NUDC: variants seen among roughly 807,000 people sequenced by gnomAD.
NUDC encodes nuclear distribution C, dynein complex regulator, also known as nuclear migration protein nudC.
In NUDC, 14 loss-of-function variants were observed where a neutral mutation model predicts 45.0. That is an observed-to-expected ratio of 0.31 (90% CI 0.21 to 0.49). The LOEUF is 0.49. Among genes scored for constraint, NUDC ranks in the 20% least tolerant of loss-of-function variants. The pLI is 0.99. For missense variants in NUDC, 323 were observed against 426.2 expected (o/e 0.76, Z 2.13); for synonymous variants, 153 against 156.7 (o/e 0.98, Z 0.17).
At chr1:26,941,992 A>G (rs560495355) in intron 4 of NUDC, among the ~76,000 whole-genome samples, 174 bp downstream of exon 4, 58 of 152,264 alleles carry the variant, frequency 3.8e-4, no homozygotes, top group African/African-American at 1.3e-3. Context: ...CAAAGGATCC[A>G]GGTTAAAAAA....
intron 3 of NUDC, among the ~76,000 whole-genome samples, chr1:26,913,143 G>A (rs756822373): frequency 4.6e-5 from 7 of 152,042 alleles, no homozygotes; most frequent in East Asian, 1.9e-4. Context: ...AAAATTAGCC[G>A]GGAGTGGTGG....
At chr1:26,908,361 C>A (rs1455798651) in intron 2 of NUDC, among the ~76,000 whole-genome samples, 1 of 152,106 alleles carries the variant, frequency 6.6e-6, no homozygotes, top group Non-Finnish European at 1.5e-5. Context: ...GGAGAAAGCA[C>A]GATTCCCCTT....
intron 2 of NUDC, among the ~76,000 whole-genome samples, chr1:26,935,212 C>T (rs944061054): frequency 1.3e-5 from 2 of 150,136 alleles, no homozygotes; most frequent in East Asian, 2.0e-4. Flanking sequence ...GAACTCCTGA[C>T]GTCAGGTGTT....
chr1:26,913,144 G>A (rs1266589583), intron 3 of NUDC, among the ~76,000 whole-genome samples: 1 of 152,088 alleles, frequency 6.6e-6, no homozygotes, highest in Non-Finnish European at 1.5e-5. Context: ...AAATTAGCCG[G>A]GAGTGGTGGC....
chr1:26,936,917 G>A (rs1213238209), intron 2 of NUDC, among the ~76,000 whole-genome samples: 1 of 152,000 alleles, frequency 6.6e-6, no homozygotes, highest in East Asian at 1.9e-4. Flanking sequence ...CAGAATTACT[G>A]CAGACTCCAC....
intron 2 of NUDC, among the ~76,000 whole-genome samples, chr1:26,937,771 G>A (rs1227870184): frequency 1.3e-5 from 2 of 151,876 alleles, no homozygotes; most frequent in Admixed American, 6.6e-5. Context: ...CCCTGCCTCA[G>A]TCTCTCGAGT....
intron 3 of NUDC, chr1:26,913,938 C>T (rs752733653): frequency 1.4e-6 from 2 of 1,474,166 alleles, no homozygotes; most frequent in South Asian, 1.6e-5. Context: ...GGCTGGTGCT[C>T]ATGGTTAGGG....
At chr1:26,930,309 A>G (rs1171374190) in intron 2 of NUDC, among the ~76,000 whole-genome samples, 1 of 152,186 alleles carries the variant, frequency 6.6e-6, no homozygotes, top group Non-Finnish European at 1.5e-5. Context: ...AACTGGGAGT[A>G]TAGGCGTGCC....
At position 26,946,148 on chromosome 1, in the gene NUDC, G is replaced by A. The variant is rs768896682; in HGVS notation, c.963G>A (p.Pro321=). Residue 321 remains proline (P), a synonymous_variant, in exon 9 of 9, where the codon CCG becomes CCA. Coordinates refer to ENST00000321265, the MANE Select transcript of NUDC (RefSeq NM_006600.4). ...EILKKFMDQH[P]EMDFSKAKFN Reference sequence around the variant, plus strand: ...TCTCCAGGTTCATGGATCAACATCCGGAGATGGATTTTTCCAAGGCTAAAT... The same window carrying A: ...TCTCCAGGTTCATGGATCAACATCCAGAGATGGATTTTTCCAAGGCTAAAT... 2.2e-5 allele frequency: 35 copies of A among 1,613,864 alleles called. 1 individual carries two copies. The South Asian group carries it at 2.2e-4, about 10-fold the overall frequency.
At position 26,942,811 on chromosome 1, in the gene NUDC, G is replaced by C. The variant is rs142314176; in HGVS notation, c.546+35G>C. 461 of 1,614,042 alleles carry C rather than the reference G, an allele frequency of 2.9e-4. 1 individual carries two copies. The African/African-American group carries it at 5.3e-3, about 19-fold the overall frequency. Reference sequence around the variant, plus strand: ...AGGGACCAGAGGTAAAGCTTAGGGGGCCAGCCTGGGGTACCAGCAGCACTT... The same window carrying C: ...AGGGACCAGAGGTAAAGCTTAGGGGCCCAGCCTGGGGTACCAGCAGCACTT... On this transcript the variant is annotated intron_variant, in intron 5 of 8. Transcript: ENST00000321265.
intron 3 of NUDC, among the ~76,000 whole-genome samples, chr1:26,916,307 A>C (rs1371689700): frequency 6.6e-6 from 1 of 151,850 alleles, no homozygotes; most frequent in Non-Finnish European, 1.5e-5. Flanking sequence ...GGATGGTTTG[A>C]GCCCAGGACT....
rs191613295 is a variant in NUDC at position 26,915,062 on chromosome 1, T to C, written c.93+3827T>C. 7.5e-3 allele frequency among the ~76,000 whole-genome samples: 1,114 copies of C among 148,086 alleles called. 8 individuals are homozygous for C. Among genetic ancestry groups the C allele is most frequent in the Non-Finnish European group, 0.012 (833 of 67,264 alleles). ...ATATATACACATACATACATACATATATATATATATATATGTATATATATG... is the reference window on the plus strand; with the variant it reads ...ATATATACACATACATACATACATACATATATATATATATGTATATATATG... On this transcript the variant is annotated intron_variant, in intron 3 of 6. Coordinates refer to the NUDC transcript ENST00000435827.
intron 2 of NUDC, among the ~76,000 whole-genome samples, chr1:26,905,161 T>TATTA (rs1557664119): frequency 1.5e-5 from 2 of 135,640 alleles, no homozygotes; most frequent in African/African-American, 2.7e-5. Flanking sequence ...ATTATTATTT[T>TATTA]TTTTTTTTTT....
intron 2 of NUDC, 73 bp from the exon 3 acceptor site, chr1:26,941,384 A>AGTG: frequency 6.7e-7 from 1 of 1,503,296 alleles, no homozygotes; most frequent in South Asian, 1.2e-5. Flanking sequence ...GCAGGTAGAG[A>AGTG]GTGGGGCTGG....
rs75410562 is a variant in NUDC at position 26,946,447 on chromosome 1, T to G, written c.*266T>G. The G allele has an allele frequency of 5.0e-3, 2,500 of 504,572 alleles. 17 individuals carry two copies. The highest frequency in any genetic ancestry group is 5.6e-3 in the Non-Finnish European group (1,560 of 277,220). 31.3% of individuals were successfully genotyped at this position (504,572 alleles called of 1,614,324 possible). ...GCCTTTCTCTGGGGCACAGGCCTCT[T>G]ACGGCTGCTGCTGGGAACTGGGAGT... On this transcript the variant is annotated 3_prime_UTR_variant, in exon 9 of 9. Coordinates refer to ENST00000321265, the MANE Select transcript of NUDC (RefSeq NM_006600.4).
intron 6 of NUDC, among the ~76,000 whole-genome samples, chr1:26,944,155 A>C (rs2082300905): frequency 6.6e-6 from 1 of 151,732 alleles, no homozygotes. Flanking sequence ...CGGCCTCCCA[A>C]AGTGCTGGGA....
chr1:26,943,917 G>A (rs934310197), intron 6 of NUDC, among the ~76,000 whole-genome samples: 13 of 151,980 alleles, frequency 8.6e-5, no homozygotes, highest in South Asian at 6.2e-4. Flanking sequence ...TTGCTTTGTC[G>A]CCCAGGCTGG....
At chr1:26,931,693 C>T (rs1187175061) in intron 2 of NUDC, among the ~76,000 whole-genome samples, 5 of 149,932 alleles carry the variant, frequency 3.3e-5, no homozygotes, top group Non-Finnish European at 7.4e-5. Context: ...GGAGGAGAAT[C>T]GCTTGAACCC....
intron 2 of NUDC, among the ~76,000 whole-genome samples, chr1:26,940,348 T>C (rs2082266556): frequency 1.3e-5 from 2 of 151,956 alleles, no homozygotes; most frequent in African/African-American, 4.8e-5. Flanking sequence ...TGGTGGCACA[T>C]GCCTATAATC....
Sources: gnomAD v4.1 joint callset for allele counts (sites outside exome capture counted in the v4.1 genomes callset) on GRCh38, gnomAD v4.1.1 for gene constraint, MANE v1.5 for transcripts, NCBI Gene and HGNC (gene_info 2026-07-23, HGNC 2026-07-21) for gene names.